Variants in NAALADL2 observed in about 807,000 individuals in gnomAD.
NAALADL2 encodes N-acetylated alpha-linked acidic dipeptidase like 2.
Under a neutral mutation model 87.2 loss-of-function variants are expected in NAALADL2, and 76 were observed. That is an observed-to-expected ratio of 0.87 (90% CI 0.72 to 1.05). The LOEUF (loss-of-function observed/expected upper bound fraction) is 1.05. Among genes scored for constraint, NAALADL2 ranks in the 50% least tolerant of loss-of-function variants. The pLI, the probability that NAALADL2 is intolerant of heterozygous loss-of-function variation, is 0.00. For synonymous variants in NAALADL2, 354 were observed against 331.0 expected, an observed-to-expected ratio of 1.07 and a Z score of -0.75; for missense variants, 1,089 against 945.8, an observed-to-expected ratio of 1.15 and a Z score of -1.99.
At chr3:174,855,980 G>GTGTATA (rs1428996245), upstream of NAALADL2, among the ~76,000 whole-genome samples, 1 of 142,908 alleles carries the variant, frequency 7.0e-6, no homozygotes, top group African/African-American at 2.6e-5. Context: ...GTGTGTGTGT[G>GTGTATA]TATATATATA....
chr3:175,607,175 A>G (rs1723872314), intron 10 of NAALADL2, among the ~76,000 whole-genome samples: 1 of 152,094 alleles, frequency 6.6e-6, no homozygotes, highest in Non-Finnish European at 1.5e-5. Context: ...TAGATTATAT[A>G]TTTTTTAAAT....
intron 10 of NAALADL2, among the ~76,000 whole-genome samples, chr3:175,611,151 G>A (rs1724592434): frequency 1.3e-5 from 2 of 152,014 alleles, no homozygotes; most frequent in South Asian, 4.1e-4. Context: ...TTGCTCTTCA[G>A]ATTTGCTTAT....
intron 9 of NAALADL2, among the ~76,000 whole-genome samples, chr3:175,517,407 A>C (rs964417560): frequency 6.6e-6 from 1 of 152,176 alleles, no homozygotes; most frequent in African/African-American, 2.4e-5. Context: ...ATTCATGTCA[A>C]TTTAGAAAAT....
chr3:175,014,158 A>T (rs374612063), intron 1 of NAALADL2, among the ~76,000 whole-genome samples: 1 of 152,118 alleles, frequency 6.6e-6, no homozygotes, highest in East Asian at 1.9e-4. Flanking sequence ...CTCATCTTCT[A>T]TGATTATTCT....
At chr3:175,684,941 AT>A (rs1343746904) in intron 11 of NAALADL2, among the ~76,000 whole-genome samples, 1 of 152,220 alleles carries the variant, frequency 6.6e-6, no homozygotes, top group East Asian at 1.9e-4. Context: ...TTAAAATCTA[AT>A]TTTTTAATCA....
chr3:175,321,833 A>C (rs1171050723), intron 4 of NAALADL2, among the ~76,000 whole-genome samples: 3 of 122,392 alleles, frequency 2.5e-5, no homozygotes, highest in Admixed American at 8.6e-5. Flanking sequence ...CAAGGAAATA[A>C]AAGAGGATAC....
chr3:175,090,477 G>A (rs773514657), intron 1 of NAALADL2, among the ~76,000 whole-genome samples: 1 of 151,934 alleles, frequency 6.6e-6, no homozygotes, highest in South Asian at 2.1e-4. Context: ...GGGCCCCAAA[G>A]GTTGGCCTAC....
intron 3 of NAALADL2, among the ~76,000 whole-genome samples, chr3:174,809,705 CATT>C (rs1719937474): frequency 2.6e-5 from 4 of 151,960 alleles, no homozygotes; most frequent in Admixed American, 2.6e-4. Flanking sequence ...ATTTAAGTAA[CATT>C]AACATAGTTG....
intron 2 of NAALADL2, among the ~76,000 whole-genome samples, chr3:174,569,793 A>C (rs563788617): frequency 1.1e-3 from 165 of 152,258 alleles, no homozygotes; most frequent in African/African-American, 3.9e-3. Flanking sequence ...ATGTCTCTAC[A>C]TCCTGGCTAT....
intron 2 of NAALADL2, among the ~76,000 whole-genome samples, chr3:174,611,335 A>T (rs1719853459): frequency 6.6e-6 from 1 of 152,106 alleles, no homozygotes; most frequent in Non-Finnish European, 1.5e-5. Flanking sequence ...ATAAAAATAA[A>T]TAAAAAAAAG....
chr3:175,520,322 C>T (rs1429120256), intron 9 of NAALADL2, among the ~76,000 whole-genome samples: 1 of 125,240 alleles, frequency 8.0e-6, no homozygotes, highest in Non-Finnish European at 1.6e-5. Flanking sequence ...GACGGAGTCT[C>T]GCTCTGTCGC....
chr3:175,652,703 C>T (rs868567151), intron 11 of NAALADL2, among the ~76,000 whole-genome samples: 2 of 152,074 alleles, frequency 1.3e-5, no homozygotes, highest in South Asian at 2.1e-4. Context: ...TGGTCTCGAT[C>T]TCCTGACCTC....
Position 174,705,757 on chromosome 3 carries a change from T to G in NAALADL2, c.-114-31884T>G, listed in dbSNP as rs374090098. On this transcript the variant is annotated intron_variant, in intron 2 of 3. Coordinates refer to the NAALADL2 transcript ENST00000434257. ...GAGATCGCGCCACTGCACTCCAGCCTGGGCGACAGAGCGAGACTCCGTCTC... is the reference window on the plus strand; with the variant it reads ...GAGATCGCGCCACTGCACTCCAGCCGGGGCGACAGAGCGAGACTCCGTCTC... 2.3e-5 allele frequency among the ~76,000 whole-genome samples: 3 copies of G among 129,462 alleles called. No homozygotes were observed. In the East Asian group the frequency reaches 6.9e-4, roughly 30 times the overall value. 84.9% of individuals were successfully genotyped at this position (129,462 alleles called of 152,430 possible).
chr3:175,040,042 C>G (rs760354080), intron 1 of NAALADL2, among the ~76,000 whole-genome samples: 1 of 152,158 alleles, frequency 6.6e-6, no homozygotes, highest in East Asian at 1.9e-4. Context: ...TGCACACACA[C>G]GCATACACTC....
At chr3:174,463,676 C>G (rs1716347567) in intron 1 of NAALADL2, among the ~76,000 whole-genome samples, 1 of 147,184 alleles carries the variant, frequency 6.8e-6, no homozygotes, top group Admixed American at 6.9e-5. Context: ...TTTTGGCTCA[C>G]TTCAAGCTCT....
At position 174,712,791 on chromosome 3, in the gene NAALADL2, C is replaced by A. The variant is rs373928407; in HGVS notation, c.-114-24850C>A. Reference sequence around the variant, plus strand: ...TTATCTTTAATATTTTGGTGTATTTCTTTCTTTATATTTATTTATTTTTAA... The same window carrying A: ...TTATCTTTAATATTTTGGTGTATTTATTTCTTTATATTTATTTATTTTTAA... On this transcript the variant is annotated intron_variant, in intron 2 of 3. Coordinates refer to the NAALADL2 transcript ENST00000434257. 2.2e-4 allele frequency among the ~76,000 whole-genome samples: 34 copies of A among 151,858 alleles called. No homozygotes were observed. The East Asian group carries it at 6.4e-3, about 29-fold the overall frequency.
chr3:174,974,794 G>C (rs900887119), intron 1 of NAALADL2, among the ~76,000 whole-genome samples: 1 of 151,990 alleles, frequency 6.6e-6, no homozygotes, highest in Non-Finnish European at 1.5e-5. Context: ...GTGGGAGACA[G>C]AGAGAAAGAG....
intron 2 of NAALADL2, among the ~76,000 whole-genome samples, chr3:175,143,375 C>T (rs1331084988): frequency 2.0e-5 from 3 of 151,682 alleles, no homozygotes; most frequent in Admixed American, 2.0e-4. Flanking sequence ...CAATTCTGTC[C>T]TCTGAAAAAT....
chr3:174,495,093 T>C (rs933558449), intron 1 of NAALADL2, among the ~76,000 whole-genome samples: 2 of 152,108 alleles, frequency 1.3e-5, no homozygotes, highest in African/African-American at 4.8e-5. Context: ...AGCCAAAATA[T>C]CTACTGGAGA....
Sources: allele counts gnomAD v4.1 joint callset (sites outside exome capture counted in the v4.1 genomes callset), GRCh38; gene constraint gnomAD v4.1.1; transcripts MANE v1.5; gene names NCBI Gene and HGNC (gene_info 2026-07-23, HGNC 2026-07-21).